Variants in GPC5 observed in about 807,000 individuals in gnomAD.
The protein encoded by GPC5 is glypican-5.
In GPC5, 47 loss-of-function variants were observed where a neutral mutation model predicts 53.9. The observed-to-expected ratio is 0.87, with a 90% CI of 0.69 to 1.11. The LOEUF (loss-of-function observed/expected upper bound fraction) is 1.11. Ranked by LOEUF, GPC5 falls within the 50% of genes most tolerant of loss-of-function variation. GPC5 has a pLI of 0.00. For synonymous variants in GPC5, 286 were observed against 263.3 expected (o/e 1.09, Z -0.84); for missense variants, 748 against 713.1 (o/e 1.05, Z -0.56).
intron 2 of GPC5, among the ~76,000 whole-genome samples, chr13:91,676,608 C>T (rs342685): frequency 0.2 from 30,444 of 151,828 alleles, 3,870 homozygotes; most frequent in African/African-American, 0.36. Context: ...TTTTATTTTT[C>T]TTTTGTACCC....
chr13:91,986,256 G>A (rs1266408775), intron 6 of GPC5, among the ~76,000 whole-genome samples: 1 of 151,492 alleles, frequency 6.6e-6, no homozygotes, highest in East Asian at 1.9e-4. Context: ...TAGTAGAGAC[G>A]GGGTTTCATC....
chr13:91,681,846 G>A (rs1481501645), intron 2 of GPC5, among the ~76,000 whole-genome samples: 4 of 152,048 alleles, frequency 2.6e-5, no homozygotes, highest in East Asian at 1.9e-4. Context: ...TGAAAAGAAC[G>A]ATTTCAATAG....
At chr13:92,704,781 GTA>G (rs928472147) in intron 7 of GPC5, among the ~76,000 whole-genome samples, 8 of 148,710 alleles carry the variant, frequency 5.4e-5, no homozygotes, top group Non-Finnish European at 7.4e-5. Context: ...TTGCTTAAGA[GTA>G]TATATATATA....
At chr13:92,124,134 T>TA (rs146377177) in intron 6 of GPC5, among the ~76,000 whole-genome samples, 3,690 of 139,144 alleles carry the variant, frequency 0.027, 123 homozygotes, top group African/African-American at 0.082. Context: ...GCTTTTCTTT[T>TA]AAAAAAAAAA....
chr13:91,915,618 A>G (rs950383294), intron 6 of GPC5, among the ~76,000 whole-genome samples: 22 of 152,232 alleles, frequency 1.4e-4, no homozygotes, highest in African/African-American at 5.3e-4. Flanking sequence ...TTGAAAGACC[A>G]TTAAAATGTA....
intron 7 of GPC5, among the ~76,000 whole-genome samples, chr13:92,861,809 T>C (rs564207305): frequency 1.3e-5 from 2 of 152,310 alleles, no homozygotes; most frequent in African/African-American, 4.8e-5. Context: ...GACCTATATA[T>C]TTTGTTTACT....
At chr13:91,632,021 A>G (rs1230723329) in intron 2 of GPC5, among the ~76,000 whole-genome samples, 1 of 152,146 alleles carries the variant, frequency 6.6e-6, no homozygotes, top group Non-Finnish European at 1.5e-5. Context: ...CTAGCTAGAA[A>G]TAGTAAAGTC....
intron 2 of GPC5, among the ~76,000 whole-genome samples, chr13:91,571,459 G>C (rs2031775920): frequency 6.6e-6 from 1 of 151,996 alleles, no homozygotes; most frequent in Admixed American, 6.6e-5. Context: ...AAACTGACAA[G>C]CACAGTAACA....
intron 7 of GPC5, among the ~76,000 whole-genome samples, chr13:92,335,729 T>G (rs929477466): frequency 1.3e-5 from 2 of 152,200 alleles, no homozygotes; most frequent in African/African-American, 4.8e-5. Context: ...GTTAAAATGC[T>G]GCCAGTCTTT....
rs75269831 is a variant in GPC5, at chr13:92,828,189, G to A, written c.1562-38093G>A. Among the ~76,000 whole-genome samples, 18 of 152,160 alleles carry A rather than the reference G, an allele frequency of 1.2e-4. No individual in the cohort carries two copies. The East Asian group carries it at 3.1e-3, about 26-fold the overall frequency. On this transcript the variant is annotated intron_variant, in intron 7 of 7. Coordinates refer to ENST00000377067, the MANE Select transcript of GPC5 (RefSeq NM_004466.6). ...CCCTCACCCTATCTCCAAACCAGAT[G>A]CTGGGAATTCAGAAAGACGACTACG...
chr13:91,914,962 A>G (rs1008059508), intron 6 of GPC5, among the ~76,000 whole-genome samples: 1 of 152,178 alleles, frequency 6.6e-6, no homozygotes, highest in African/African-American at 2.4e-5. Context: ...GTCAGTTGCT[A>G]ATTGCAAATT....
chr13:91,587,239 CA>C (rs2032631947), intron 2 of GPC5, among the ~76,000 whole-genome samples: 1 of 152,042 alleles, frequency 6.6e-6, no homozygotes, highest in South Asian at 2.1e-4. Context: ...GAGTTATTTA[CA>C]GATAGAACTT....
chr13:92,257,365 ATACT>A (rs748329430), intron 7 of GPC5, among the ~76,000 whole-genome samples: 1 of 151,948 alleles, frequency 6.6e-6, no homozygotes, highest in Non-Finnish European at 1.5e-5. Flanking sequence ...ATAATATGTG[ATACT>A]TAGGTATGAT....
chr13:91,447,436 CACTT>C (rs1416490813), intron 1 of GPC5, among the ~76,000 whole-genome samples: 2 of 151,604 alleles, frequency 1.3e-5, no homozygotes, highest in African/African-American at 4.8e-5. Context: ...CCTACTGTGA[CACTT>C]ACGAATATTT....
chr13:92,294,813 CTTT>C (rs1167990988), intron 7 of GPC5, among the ~76,000 whole-genome samples: 2 of 103,978 alleles, frequency 1.9e-5, no homozygotes, highest in Non-Finnish European at 4.1e-5. Context: ...CTGTTTCTTT[CTTT>C]TTTTTTTTTC....
chr13:92,470,479 A>G (rs1009072701), intron 7 of GPC5, among the ~76,000 whole-genome samples: 1 of 152,014 alleles, frequency 6.6e-6, no homozygotes, highest in Non-Finnish European at 1.5e-5. Context: ...TTCTCCTTTT[A>G]TTTGAACATG....
intron 5 of GPC5, among the ~76,000 whole-genome samples, chr13:91,902,853 T>G (rs1301856935): frequency 6.6e-6 from 1 of 152,038 alleles, no homozygotes; most frequent in Non-Finnish European, 1.5e-5. Flanking sequence ...GACAGACCAC[T>G]TAGTCTATGT....
chr13:92,034,447 G>A (rs921252467), intron 6 of GPC5, among the ~76,000 whole-genome samples: 4 of 152,180 alleles, frequency 2.6e-5, no homozygotes, highest in East Asian at 3.9e-4. Flanking sequence ...GCAGTGAGCC[G>A]AGATAGTGCC....
At chr13:91,517,862 A>G (rs1885587867) in intron 2 of GPC5, among the ~76,000 whole-genome samples, 1 of 152,132 alleles carries the variant, frequency 6.6e-6, no homozygotes. Context: ...TCTCTGATAA[A>G]CCCATCAGAT....
Sources: allele counts gnomAD v4.1 joint callset (sites outside exome capture counted in the v4.1 genomes callset), GRCh38; gene constraint gnomAD v4.1.1; transcripts MANE v1.5; gene names NCBI Gene and HGNC (gene_info 2026-07-23, HGNC 2026-07-21).